Variants in KCNAB2 observed in about 807,000 individuals in gnomAD.
The protein encoded by KCNAB2 is voltage-gated potassium channel subunit beta-2.
Under a neutral mutation model 63.6 loss-of-function variants are expected in KCNAB2, and 29 were observed. The observed-to-expected ratio is 0.46, with a 90% confidence interval of 0.34 to 0.62. The LOEUF (loss-of-function observed/expected upper bound fraction) is 0.62, where lower values mean the gene tolerates loss of function less well. KCNAB2 is among the 20% of genes least tolerant of loss of function. The pLI, the probability that KCNAB2 is intolerant of heterozygous loss-of-function variation, is 0.01. For missense variants in KCNAB2, 359 were observed against 563.9 expected (o/e 0.64, Z 3.68); for synonymous variants, 222 against 224.2 (o/e 0.99, Z 0.09).
At chr1:6,016,120 G>A (rs1056537637) in intron 1 of KCNAB2, among the ~76,000 whole-genome samples, 5 of 152,174 alleles carry the variant, frequency 3.3e-5, no homozygotes, top group Admixed American at 2.0e-4. Flanking sequence ...AAACCCCACC[G>A]TAAAGGAAGC....
At chr1:6,059,038 C>A (rs567939282) in intron 2 of KCNAB2, among the ~76,000 whole-genome samples, 2 of 152,280 alleles carry the variant, frequency 1.3e-5, no homozygotes, top group South Asian at 4.1e-4. Flanking sequence ...CTTCCCTCCC[C>A]CACAGGGCTG....
intron 13 of KCNAB2, 115 bp downstream of exon 13, chr1:6,095,739 C>A: frequency 3.2e-6 from 3 of 951,080 alleles, no homozygotes; most frequent in Non-Finnish European, 3.3e-6. Context: ...TGCAGCTGTT[C>A]CCACCTCGGT....
At position 6,096,066 on chromosome 1, in the gene KCNAB2, G is replaced by A; in HGVS notation, c.948+442G>A. On this transcript the variant is annotated intron_variant, in intron 13 of 15. Transcript: ENST00000378083. This position sits in a 1 kb window ranked among gnomAD's most constrained non-coding sequence, Gnocchi z 5.9. Reference sequence around the variant, plus strand: ...AACCTCTGAGTGGGGACTCAGGAGGGTCCCCAGACTGCAGGATCTGGAGAA... The same window carrying A: ...AACCTCTGAGTGGGGACTCAGGAGGATCCCCAGACTGCAGGATCTGGAGAA... 2.2e-6 allele frequency: 1 copy of A among 458,850 alleles called. No individual in the cohort carries two copies. The highest frequency in any genetic ancestry group is 6.9e-5 in the East Asian group (1 of 14,472). 28.4% of individuals were successfully genotyped at this position (458,850 alleles called of 1,614,324 possible). A position where few individuals can be genotyped will look rare whatever the true frequency, so the allele number is the denominator to read the frequency against.
chr1:6,046,992 G>A (rs1660978720), intron 1 of KCNAB2, among the ~76,000 whole-genome samples: 1 of 152,166 alleles, frequency 6.6e-6, no homozygotes, highest in Non-Finnish European at 1.5e-5. Context: ...ATTCCCCTGG[G>A]CCCCTGATCT....
chr1:6,035,492 G>A lies in KCNAB2; in HGVS notation c.-53+698G>A, dbSNP rs996854500. The stretch of plus-strand genomic sequence containing the variant: ...CAGGAGAGGAGACAGGGAGAGGCAC[G>A]GGGCCCCTGGCCCAGGGATGGATTG... On this transcript the variant is annotated intron_variant, in intron 1 of 15. Coordinates refer to the KCNAB2 transcript ENST00000164247. This position sits in a 1 kb window ranked among gnomAD's most constrained non-coding sequence, Gnocchi z 5.0. Among the ~76,000 whole-genome samples, 3 of 152,090 alleles carry A rather than the reference G, an allele frequency of 2.0e-5. No homozygotes were observed. Among genetic ancestry groups the A allele is most frequent in the African/African-American group, 7.2e-5 (3 of 41,420 alleles).
In KCNAB2 at chr1:6,097,069, T is replaced by C. The variant is rs543610679; in HGVS notation, c.1070-200T>C. The stretch of plus-strand genomic sequence containing the variant: ...GCTAAGCACTTGGGCCACCTCTCCA[T>C]CAGGGAGCAGCGGGCTCCCCCATGC... On this transcript the variant is annotated intron_variant, in intron 14 of 15. Transcript: ENST00000378083. 1.8e-4 allele frequency among the ~76,000 whole-genome samples: 27 copies of C among 152,238 alleles called. No homozygotes were observed. In the South Asian group the frequency reaches 5.6e-3, roughly 32 times the overall value.
At chr1:6,095,494 G>T in intron 12 of KCNAB2, 36 bp from the exon 13 acceptor site, 1 of 1,611,144 alleles carries the variant, frequency 6.2e-7, no homozygotes, top group Non-Finnish European at 8.5e-7. Context: ...CTGCTCTCGG[G>T]CCCAGGGCTT....
At chr1:6,084,580 CCACAG>C (rs1239454744) in intron 5 of KCNAB2, among the ~76,000 whole-genome samples, 4 of 152,188 alleles carry the variant, frequency 2.6e-5, no homozygotes, top group Non-Finnish European at 4.4e-5. Flanking sequence ...CTTTGGGAGG[CCACAG>C]TGGGCGGATC....
intron 1 of KCNAB2, among the ~76,000 whole-genome samples, chr1:6,008,806 C>T (rs1657979494): frequency 6.6e-6 from 1 of 152,144 alleles, no homozygotes; most frequent in Non-Finnish European, 1.5e-5. Flanking sequence ...GCTGTGACCT[C>T]CTGCGCCACA....
At position 6,100,210 on chromosome 1, in the gene KCNAB2, G is replaced by A; in HGVS notation, c.*1636G>A. 1 of 976,626 alleles carries A rather than the reference G, an allele frequency of 1.0e-6. No homozygotes were observed. The highest frequency in any genetic ancestry group is 2.9e-5 in the East Asian group (1 of 34,568). 60.5% of individuals were successfully genotyped at this position (976,626 alleles called of 1,614,324 possible). A position where few individuals can be genotyped will look rare whatever the true frequency, so the allele number is the denominator to read the frequency against. ...AAAGTCAGAAAGGCCAGCGGGGAGAGGCTGGGGCGAGGGGAGGAGGGGGAT... is the reference window on the plus strand; with the variant it reads ...AAAGTCAGAAAGGCCAGCGGGGAGAAGCTGGGGCGAGGGGAGGAGGGGGAT... On this transcript the variant is annotated 3_prime_UTR_variant, in exon 16 of 16. Transcript: ENST00000378083.
At position 6,049,582 on chromosome 1, in the gene KCNAB2, G is replaced by T. The variant is rs144319689; in HGVS notation, c.-26-1929G>T. Among the ~76,000 whole-genome samples the T allele has an allele frequency of 3.9e-3, 597 of 152,348 alleles. 4 individuals carry two copies. The highest frequency in any genetic ancestry group is 0.014 in the Middle Eastern group (4 of 294). The stretch of plus-strand genomic sequence containing the variant: ...ACAGCAGGCTCCCCAAGGACGACTG[G>T]TTGCTCGCCTTTAGGGAGGGGGCCA... On this transcript the variant is annotated intron_variant, in intron 1 of 15. Coordinates refer to ENST00000378083, the MANE Select transcript of KCNAB2 (RefSeq NM_001199862.2).
upstream of KCNAB2, chr1:5,992,746 A>G (rs1656570976): frequency 6.6e-6 from 1 of 152,198 alleles, no homozygotes; most frequent in Non-Finnish European, 1.5e-5. Flanking sequence ...GGCGGGAAGG[A>G]AGATCCGGCG....
intron 1 of KCNAB2, among the ~76,000 whole-genome samples, chr1:5,993,113 G>T (rs999816044): frequency 5.2e-5 from 7 of 134,554 alleles, no homozygotes; most frequent in Admixed American, 4.8e-4. Context: ...ATCTCTGCCC[G>T]CTCCGGTCCT....
In KCNAB2 at chr1:6,035,710, C is replaced by A. The variant is rs1003670562; in HGVS notation, c.-53+916C>A. Among the ~76,000 whole-genome samples the A allele has an allele frequency of 3.3e-5, 5 of 151,450 alleles. No individual in the cohort carries two copies. The highest frequency in any genetic ancestry group is 1.2e-4 in the African/African-American group (5 of 41,104). On this transcript the variant is annotated intron_variant, in intron 1 of 15. Transcript: ENST00000164247. The surrounding 1 kb of genome is among the most constrained non-coding windows in gnomAD (Gnocchi z 5.0). Reference sequence around the variant, plus strand: ...AGGCACACGTTCCCCACCCTCATAGCTGAGCCACACAGGCAGGAAATAAAC... The same window carrying A: ...AGGCACACGTTCCCCACCCTCATAGATGAGCCACACAGGCAGGAAATAAAC...
intron 2 of KCNAB2, among the ~76,000 whole-genome samples, chr1:6,059,052 C>G (rs1269717981): frequency 6.6e-6 from 1 of 152,158 alleles, no homozygotes; most frequent in Non-Finnish European, 1.5e-5. Flanking sequence ...AGGGCTGCTG[C>G]AGGAGAGGTG....
chr1:6,025,838 C>T (rs1029224807), intron 1 of KCNAB2, among the ~76,000 whole-genome samples: 1 of 120,988 alleles, frequency 8.3e-6, no homozygotes, highest in African/African-American at 3.4e-5. Flanking sequence ...GCAGCCCACC[C>T]CAGCACACAG....
intron 9 of KCNAB2, 21 bp from the exon 10 acceptor site, chr1:6,091,242 A>C: frequency 1.3e-6 from 2 of 1,523,632 alleles, no homozygotes; most frequent in Non-Finnish European, 1.8e-6. Context: ...TGGTCTCTTT[A>C]AATCTTTCTT....
At chr1:6,094,150 C>T (rs1665421236) in intron 10 of KCNAB2, among the ~76,000 whole-genome samples, 1 of 152,172 alleles carries the variant, frequency 6.6e-6, no homozygotes, top group Non-Finnish European at 1.5e-5. Context: ...TTCAACATTT[C>T]CATAGGCCTG....
At position 6,078,018 on chromosome 1, in the gene KCNAB2, G is replaced by C. The variant is rs886790659; in HGVS notation, c.301-4177G>C. 4.0e-5 allele frequency among the ~76,000 whole-genome samples: 6 copies of C among 149,860 alleles called. No homozygotes were observed. Among genetic ancestry groups the C allele is most frequent in the African/African-American group, 1.5e-4 (6 of 39,838 alleles). On this transcript the variant is annotated intron_variant, in intron 4 of 15. Coordinates refer to ENST00000378083, the MANE Select transcript of KCNAB2 (RefSeq NM_001199862.2). This position sits in a 1 kb window ranked among gnomAD's most constrained non-coding sequence, Gnocchi z 4.2. ...TCGGTACCCCTGAGCCTAAGTCCAG[G>C]AGTCAGCCGGGCCGGGCTTCCTTCT...
Sources: allele counts gnomAD v4.1 joint callset (sites outside exome capture counted in the v4.1 genomes callset), GRCh38; gene constraint gnomAD v4.1.1; non-coding constraint Gnocchi (gnomAD v3.1); transcripts MANE v1.5; gene names NCBI Gene and HGNC (gene_info 2026-07-23, HGNC 2026-07-21).